The following POLR1C variants were observed in gnomAD, a reference collection of about 807,000 sequenced individuals.
POLR1C encodes DNA-directed RNA polymerases I and III subunit RPAC1.
POLR1C carries 42 observed loss-of-function variants against 38.3 expected under a neutral mutation model. That is an observed-to-expected ratio of 1.10 (90% CI 0.86 to 1.42). POLR1C has a LOEUF of 1.42. Ranked by LOEUF, POLR1C falls within the 40% of genes most tolerant of loss-of-function variation. The pLI is 0.00. For synonymous variants in POLR1C, 163 were observed against 163.9 expected, an observed-to-expected ratio of 0.99 and a Z score of 0.04; for missense variants, 507 against 450.5, an observed-to-expected ratio of 1.13 and a Z score of -1.14.
downstream of POLR1C, among the ~76,000 whole-genome samples, chr6:43,530,148 T>G (rs1456308241): frequency 6.6e-6 from 1 of 152,100 alleles, no homozygotes; most frequent in Non-Finnish European, 1.5e-5. Flanking sequence ...TCCCAGCTAC[T>G]TGGGAGGCTG....
chr6:43,539,148 C>T, intron 9 of POLR1C: 1 of 1,140,552 alleles, frequency 8.8e-7, no homozygotes, highest in Non-Finnish European at 1.3e-6. Context: ...CCACGGCGGC[C>T]TGTCACCTTG....
chr6:43,533,691 C>T (rs1019153633), downstream of POLR1C: 5 of 303,594 alleles, frequency 1.6e-5, no homozygotes, highest in African/African-American at 4.3e-5. Context: ...TTTTAAAGTT[C>T]GTCTGGCGTT....
intron 2 of POLR1C, among the ~76,000 whole-genome samples, chr6:43,518,072 A>G (rs902665321): frequency 1.2e-4 from 18 of 152,150 alleles, no homozygotes; most frequent in African/African-American, 4.1e-4. Context: ...GGCATGTCCA[A>G]GTAGTTCTGG....
chr6:43,521,363 C>T lies in POLR1C; in HGVS notation c.*63C>T. On this transcript the variant is annotated 3_prime_UTR_variant, in exon 9 of 9. Transcript: ENST00000642195. ...CTGACTGACCCACCCTACAGGACTG[C>T]TGAACAGAGAGCCCAGTGTGACTAG... 3 of 1,610,328 alleles carry T rather than the reference C, an allele frequency of 1.9e-6. No individual in the cohort carries two copies. The highest frequency in any genetic ancestry group is 3.3e-5 in the Admixed American group (2 of 59,992).
intron 10 of POLR1C, among the ~76,000 whole-genome samples, chr6:43,552,422 G>T (rs1795275392): frequency 6.7e-6 from 1 of 148,688 alleles, no homozygotes; most frequent in Admixed American, 6.7e-5. Context: ...GCGTGATTTT[G>T]GCTCACTGCA....
chr6:43,521,155 A>G, intron 8 of POLR1C, 27 bp from the exon 9 acceptor site: 3 of 1,606,500 alleles, frequency 1.9e-6, no homozygotes, highest in South Asian at 1.1e-5. Context: ...AGCCCTGCCT[A>G]GACTAAAGTG....
chr6:43,519,608 A>G lies in POLR1C; in HGVS notation c.250-98A>G, dbSNP rs555676437. 2.7e-5 allele frequency: 42 copies of G among 1,528,262 alleles called. No individual in the cohort carries two copies. In the African/African-American group the frequency reaches 5.5e-4, roughly 20 times the overall value. 94.7% of individuals were successfully genotyped at this position (1,528,262 alleles called of 1,614,324 possible). A position where few individuals can be genotyped will look rare whatever the true frequency, so the allele number is the denominator to read the frequency against. The stretch of plus-strand genomic sequence containing the variant: ...TAAATTTCTCATTAAACATTCTAGG[A>G]AGAGAGATAGCTCCCTACCTCTGGA... On this transcript the variant is annotated intron_variant, in intron 3 of 8. Transcript: ENST00000642195.
In POLR1C at chr6:43,551,453, C is replaced by G. The variant is rs929208851; in HGVS notation, c.*48+442C>G. On this transcript the variant is annotated intron_variant, in intron 10 of 10. Transcript: ENST00000607635. ...TCTATTCCATCATTAACAGGAATTT[C>G]CTGTAACAAAGACATAAAACAGGTT... 12 of 1,611,358 alleles carry G rather than the reference C, an allele frequency of 7.4e-6. No individual in the cohort carries two copies. Among genetic ancestry groups the G allele is most frequent in the Non-Finnish European group, 9.3e-6 (11 of 1,179,216 alleles).
downstream of POLR1C, chr6:43,526,296 G>C (rs1035114037): frequency 8.3e-6 from 3 of 362,062 alleles, no homozygotes; most frequent in African/African-American, 6.1e-5. Flanking sequence ...AGATAGGTAA[G>C]AAAGGAATAC....
chr6:43,520,658 C>G lies in POLR1C; in HGVS notation c.689C>G (p.Thr230Arg). The G allele has an allele frequency of 6.2e-7, 1 of 1,614,178 alleles. No homozygotes were observed. The highest frequency in any genetic ancestry group is 8.5e-7 in the Non-Finnish European group (1 of 1,180,022). ...CATGCCAAGTTTTCACCAGTGGCAA[C>G]AGCCAGTTACAGGCTCCTGCCAGAC... ...KDHAKFSPVATASYRLLPDIT... is the reference protein window; with the variant it reads ...KDHAKFSPVARASYRLLPDIT... The change falls in exon 7 of 9, where the codon ACA becomes AGA. Residue 230 changes from threonine to arginine, a missense_variant. Thr to Arg is a moderately conservative substitution (Grantham distance 71). Coordinates refer to ENST00000642195, the MANE Select transcript of POLR1C (RefSeq NM_203290.4).
downstream of POLR1C, chr6:43,522,780 G>C (rs373753474): frequency 6.6e-6 from 3 of 451,152 alleles, no homozygotes; most frequent in African/African-American, 6.0e-5. Flanking sequence ...ACTGGTTTCT[G>C]TATGGATTAA....
At chr6:43,530,817 T>C, downstream of POLR1C, 1 of 1,611,722 alleles carries the variant, frequency 6.2e-7, no homozygotes, top group Non-Finnish European at 8.5e-7. Context: ...TTCCCTAGGA[T>C]ATGAAAACTG....
intron 10 of POLR1C, chr6:43,560,427 T>C: frequency 8.2e-7 from 1 of 1,223,804 alleles, no homozygotes; most frequent in Non-Finnish European, 1.1e-6. Flanking sequence ...TGAAGCTGTC[T>C]CTACTGCAAT....
chr6:43,555,870 T>C lies in POLR1C; in HGVS notation c.*48+4859T>C, dbSNP rs374509192. ...AACCAGCATCAAGAAAAGTTGATAGTTGATACTTTAGCCACTCCCCAGCCA... is the reference window on the plus strand; with the variant it reads ...AACCAGCATCAAGAAAAGTTGATAGCTGATACTTTAGCCACTCCCCAGCCA... On this transcript the variant is annotated intron_variant, in intron 10 of 10. Coordinates refer to the POLR1C transcript ENST00000607635. 122 of 1,613,980 alleles carry C rather than the reference T, an allele frequency of 7.6e-5. 1 individual carries two copies. In the African/African-American group the frequency reaches 1.1e-3, roughly 15 times the overall value.
intron 9 of POLR1C, chr6:43,539,292 C>T (rs1334591019): frequency 1.8e-5 from 27 of 1,536,228 alleles, no homozygotes; most frequent in South Asian, 4.5e-5. Flanking sequence ...ACACCCAGAC[C>T]GACGTGGCCA....
At chr6:43,536,482 G>C (rs1001208991) in intron 9 of POLR1C, among the ~76,000 whole-genome samples, 2 of 151,336 alleles carry the variant, frequency 1.3e-5, no homozygotes, top group Non-Finnish European at 2.9e-5. Context: ...ACTTTGGCCA[G>C]ATGCGGTGGC....
downstream of POLR1C, chr6:43,523,362 A>C (rs1396748976): frequency 3.5e-6 from 1 of 283,804 alleles, no homozygotes; most frequent in Admixed American, 4.9e-5. Flanking sequence ...CCTAACCCAG[A>C]CATGCCCCTT....
chr6:43,523,506 GGCACA>G (rs1793329450), downstream of POLR1C: 1 of 413,442 alleles, frequency 2.4e-6, no homozygotes, highest in Middle Eastern at 8.8e-4. Flanking sequence ...CGCAGGGTTG[GGCACA>G]GCACCCTTAG....
rs112792685 is a variant in POLR1C at position 43,519,036 on chromosome 6, G to T, written c.142-297G>T. 1.7e-4 allele frequency: 74 copies of T among 438,204 alleles called. 1 individual carries two copies. The highest frequency in any genetic ancestry group is 1.2e-3 in the African/African-American group (60 of 49,752). The allele number at this position is 438,204 out of a possible 1,614,324, so 27.1% of individuals were successfully genotyped here. On this transcript the variant is annotated intron_variant, in intron 2 of 8. Transcript: ENST00000642195. ...AACAGAAGTCTAGTAAGAGGACTGA[G>T]TAGTGTCAACAAAACTAAGCACTAT...
Sources: allele counts gnomAD v4.1 joint callset (sites outside exome capture counted in the v4.1 genomes callset), GRCh38; gene constraint gnomAD v4.1.1; transcripts MANE v1.5; gene names NCBI Gene and HGNC (gene_info 2026-07-23, HGNC 2026-07-21).